Variants in PHLPP1 observed in about 807,000 individuals in gnomAD.
PHLPP1 encodes the protein PH domain and leucine rich repeat protein phosphatase 1, also known as PH domain leucine-rich repeat-containing protein phosphatase 1.
Under a neutral mutation model 117.2 loss-of-function variants are expected in PHLPP1, and 42 were observed. The ratio of observed to expected loss-of-function variants is 0.36; its 90% CI spans 0.28 to 0.46. The LOEUF is 0.46. Ranked by LOEUF, PHLPP1 falls within the 20% of genes least tolerant of loss-of-function variation. PHLPP1 has a pLI of 1.00. For synonymous variants in PHLPP1, 1,042 were observed against 970.7 expected, an observed-to-expected ratio of 1.07 and a Z score of -1.37; for missense variants, 2,084 against 2,241.9, an observed-to-expected ratio of 0.93 and a Z score of 1.42.
At chr18:62,853,271 A>G (rs535075841) in intron 3 of PHLPP1, among the ~76,000 whole-genome samples, 1 of 152,102 alleles carries the variant, frequency 6.6e-6, no homozygotes, top group Non-Finnish European at 1.5e-5. Context: ...ATTTTGATGT[A>G]TCTCTCAGGG....
At chr18:62,877,221 T>C (rs1253225990) in intron 4 of PHLPP1, among the ~76,000 whole-genome samples, 1 of 152,252 alleles carries the variant, frequency 6.6e-6, no homozygotes, top group Non-Finnish European at 1.5e-5. Flanking sequence ...TAATTACTTA[T>C]CATTACCAAA....
rs147727621 is a variant in PHLPP1, at chr18:62,828,660, T to G, written c.1577-1375T>G. Among the ~76,000 whole-genome samples, 934 of 152,342 alleles carry G rather than the reference T, an allele frequency of 6.1e-3. 10 individuals carry two copies. Among genetic ancestry groups the G allele is most frequent in the Middle Eastern group, 0.034 (10 of 294 alleles). On this transcript the variant is annotated intron_variant, in intron 1 of 16. Coordinates refer to ENST00000262719, the MANE Select transcript of PHLPP1 (RefSeq NM_194449.4). ...TTCAGATACTCTTTGGAGTTTCTTG[T>G]TATTTATTTTTAGAGCTGTTGTTCT...
chr18:62,720,339 T>G (rs1485774066), intron 1 of PHLPP1, among the ~76,000 whole-genome samples: 1 of 152,216 alleles, frequency 6.6e-6, no homozygotes, highest in Non-Finnish European at 1.5e-5. Context: ...CACTTAGATC[T>G]GAGTAGTCTA....
chr18:62,861,663 A>G (rs988040247), intron 4 of PHLPP1, among the ~76,000 whole-genome samples: 9 of 152,262 alleles, frequency 5.9e-5, no homozygotes, highest in African/African-American at 2.2e-4. Context: ...TTAAAATGTG[A>G]TAACCATTGT....
intron 1 of PHLPP1, among the ~76,000 whole-genome samples, chr18:62,796,581 C>T (rs775551722): frequency 2.0e-5 from 3 of 152,020 alleles, no homozygotes; most frequent in African/African-American, 4.8e-5. Flanking sequence ...TGAACTTGGC[C>T]GAACTTTACA....
intron 1 of PHLPP1, chr18:62,731,362 T>C (rs1170105729): frequency 6.6e-6 from 1 of 152,206 alleles, no homozygotes; most frequent in African/African-American, 2.4e-5. Context: ...GTTAAGGTGA[T>C]CTGTGATCGG....
chr18:62,940,020 G>A (rs950421448), intron 10 of PHLPP1, among the ~76,000 whole-genome samples: 12 of 152,096 alleles, frequency 7.9e-5, no homozygotes, highest in African/African-American at 2.9e-4. Context: ...GGGGGCCAGG[G>A]GGAGGCATGG....
intron 4 of PHLPP1, among the ~76,000 whole-genome samples, chr18:62,871,644 A>T (rs754292383): frequency 0.013 from 1,403 of 108,630 alleles, 21 homozygotes; most frequent in Middle Eastern, 0.034. Flanking sequence ...AGCTCTGAAA[A>T]TTTTTTTTTT....
At chr18:62,869,152 CT>C (rs1475105613) in intron 4 of PHLPP1, among the ~76,000 whole-genome samples, 3 of 152,130 alleles carry the variant, frequency 2.0e-5, no homozygotes, top group Admixed American at 1.3e-4. Flanking sequence ...AGACTATTCT[CT>C]TTCTTCCAAA....
intron 3 of PHLPP1, among the ~76,000 whole-genome samples, chr18:62,848,111 G>T (rs1915226128): frequency 6.6e-6 from 1 of 152,070 alleles, no homozygotes; most frequent in African/African-American, 2.4e-5. Flanking sequence ...GCTCTGATTT[G>T]TTGACATCCT....
At position 62,727,807 on chromosome 18, in the gene PHLPP1, G is replaced by T. The variant is rs376724212; in HGVS notation, c.1576+10548G>T. Among the ~76,000 whole-genome samples, 28 of 152,060 alleles carry T rather than the reference G, an allele frequency of 1.8e-4. 1 individual carries two copies. In the South Asian group the frequency reaches 5.2e-3, roughly 28 times the overall value. On this transcript the variant is annotated intron_variant, in intron 1 of 16. Transcript: ENST00000262719. ...CCTTACCACTGCATTTCTTTTTGAT[G>T]CCCCAATTTCCCACGCCATCGTCAC...
rs574383161 is a variant in PHLPP1 at position 62,805,394 on chromosome 18, C to T, written c.1577-24641C>T. Among the ~76,000 whole-genome samples the T allele has an allele frequency of 4.0e-5, 6 of 151,896 alleles. No homozygotes were observed. The South Asian group carries it at 1.2e-3, about 32-fold the overall frequency. Reference sequence around the variant, plus strand: ...GGTTATACATATACAGTATAATATACACTGTATATATTATACAGTGGTATA... The same window carrying T: ...GGTTATACATATACAGTATAATATATACTGTATATATTATACAGTGGTATA... On this transcript the variant is annotated intron_variant, in intron 1 of 16. Coordinates refer to ENST00000262719, the MANE Select transcript of PHLPP1 (RefSeq NM_194449.4).
intron 1 of PHLPP1, among the ~76,000 whole-genome samples, chr18:62,808,407 T>C (rs1310815083): frequency 6.6e-6 from 1 of 152,202 alleles, no homozygotes; most frequent in Non-Finnish European, 1.5e-5. Context: ...CAGTATGATG[T>C]AATCAATCTG....
intron 14 of PHLPP1, among the ~76,000 whole-genome samples, chr18:62,965,650 G>C (rs1396661424): frequency 6.7e-6 from 1 of 150,254 alleles, no homozygotes; most frequent in East Asian, 2.0e-4. Flanking sequence ...GTAGAAACAG[G>C]GTTTCACCAT....
At chr18:62,893,673 T>C (rs1916482354) in intron 4 of PHLPP1, among the ~76,000 whole-genome samples, 2 of 152,226 alleles carry the variant, frequency 1.3e-5, no homozygotes, top group South Asian at 2.1e-4. Context: ...GCATACTGTC[T>C]AGGATTAGAC....
intron 1 of PHLPP1, among the ~76,000 whole-genome samples, chr18:62,759,595 A>G (rs1912147563): frequency 6.6e-6 from 1 of 152,240 alleles, no homozygotes; most frequent in South Asian, 2.1e-4. Context: ...AAATGTAACC[A>G]CACTGATATG....
intron 4 of PHLPP1, among the ~76,000 whole-genome samples, chr18:62,879,145 C>T (rs192558445): frequency 9.9e-5 from 15 of 152,242 alleles, no homozygotes; most frequent in African/African-American, 1.7e-4. Flanking sequence ...CATAATCCCC[C>T]ATGCAACAGT....
In PHLPP1 at chr18:62,715,773, A is replaced by G. The variant is rs1910701414; in HGVS notation, c.90A>G (p.Ala30=). Residue 30 remains alanine (A), a synonymous_variant, in exon 1 of 17, where the codon GCA becomes GCG. Transcript: ENST00000262719. The part of the protein sequence containing the change: ...RASAPAAAAA[A]AAAAAAAAAA... ...CGGCTCCGGCGGCCGCCGCTGCGGCAGCAGCAGCAGCAGCGGCGGCCGCGG... is the reference window on the plus strand; with the variant it reads ...CGGCTCCGGCGGCCGCCGCTGCGGCGGCAGCAGCAGCAGCGGCGGCCGCGG... 4 of 717,496 alleles carry G rather than the reference A, an allele frequency of 5.6e-6. No homozygotes were observed. The highest frequency in any genetic ancestry group is 6.4e-5 in the South Asian group (1 of 15,630). 44.4% of individuals were successfully genotyped at this position (717,496 alleles called of 1,614,324 possible).
intron 1 of PHLPP1, among the ~76,000 whole-genome samples, chr18:62,753,633 CT>C (rs1911925061): frequency 6.6e-6 from 1 of 152,166 alleles, no homozygotes; most frequent in South Asian, 2.1e-4. Context: ...TCATTAGTTA[CT>C]AAACATTGAG....
Sources: gnomAD v4.1 joint callset for allele counts (sites outside exome capture counted in the v4.1 genomes callset) on GRCh38, gnomAD v4.1.1 for gene constraint, MANE v1.5 for transcripts, NCBI Gene and HGNC (gene_info 2026-07-23, HGNC 2026-07-21) for gene names.